Variants in ZFAND4 observed in about 807,000 individuals in gnomAD.
ZFAND4 encodes the protein zinc finger AN1-type containing 4.
Under a neutral mutation model 64.4 loss-of-function variants are expected in ZFAND4, and 43 were observed. That is an observed-to-expected ratio of 0.67 (90% CI 0.52 to 0.86). The LOEUF (loss-of-function observed/expected upper bound fraction) is 0.86, where lower values mean the gene tolerates loss of function less well. ZFAND4 is among the 40% of genes least tolerant of loss of function. ZFAND4 has a pLI of 0.00. For missense variants in ZFAND4, 929 were observed against 859.8 expected (o/e 1.08, Z -1.01); for synonymous variants, 296 against 305.7 (o/e 0.97, Z 0.33).
intron 1 of ZFAND4, among the ~76,000 whole-genome samples, chr10:45,669,264 T>C (rs566408860): frequency 3.0e-4 from 45 of 152,218 alleles, no homozygotes; most frequent in Middle Eastern, 3.4e-3. Context: ...TCTACACAAA[T>C]AAACTGGAAA....
Position 45,658,526 on chromosome 10 carries a change from A to G in ZFAND4, c.184+5016T>C, listed in dbSNP as rs142979314. On this transcript the variant is annotated intron_variant, in intron 2 of 9. Coordinates refer to ENST00000344646, the MANE Select transcript of ZFAND4 (RefSeq NM_174890.4). ...GTGAATTGTATGATATGTAAATTAT[A>G]TCTTCCTAAAAAATAGTTTGTTAGA... 4.2e-3 allele frequency among the ~76,000 whole-genome samples: 637 copies of G among 152,338 alleles called. 4 individuals carry two copies. Among genetic ancestry groups the G allele is most frequent in the African/African-American group, 0.015 (603 of 41,580 alleles).
chr10:45,663,553 C>T lies in ZFAND4; in HGVS notation c.173G>A (p.Arg58Gln), dbSNP rs1346322819. 12 of 1,589,862 alleles carry T rather than the reference C, an allele frequency of 7.5e-6. No homozygotes were observed. The highest frequency in any genetic ancestry group is 2.3e-5 in the East Asian group (1 of 44,384). The change falls in exon 2 of 10, where the codon CGA (arginine) becomes CAA (glutamine). Residue 58 changes from arginine to glutamine, a missense_variant. Physicochemically the swap from Arg to Gln is conservative, Grantham distance 43. Coordinates refer to ENST00000344646, the MANE Select transcript of ZFAND4 (RefSeq NM_174890.4). ...ETVISVKAKI[R>Q]RLEGIPICRQ... ...AGAAAGATGAGTACCTTCCAATCTT[C>T]GAATTTTTGCTTTCACAGAAATAAC...
Position 45,653,009 on chromosome 10 carries a change from T to G in ZFAND4, c.235A>C (p.Asn79His). 6.2e-7 allele frequency: 1 copy of G among 1,612,458 alleles called. No individual in the cohort carries two copies. Among genetic ancestry groups the G allele is most frequent in the Non-Finnish European group, 8.5e-7 (1 of 1,179,130 alleles). The change falls in exon 3 of 10, where the codon AAT becomes CAT. Residue 79 changes from asparagine to histidine, a missense_variant. Physicochemically the swap from Asn to His is moderately conservative, Grantham distance 68. Coordinates refer to ENST00000344646, the MANE Select transcript of ZFAND4 (RefSeq NM_174890.4). ...HLIWNNMELE[N>H]DYCLNDYNIS... is the part of the protein sequence containing the mutation. The stretch of plus-strand genomic sequence containing the variant: ...TTGTAATCATTCAAGCAATAATCAT[T>G]TTCAAGTTCCATGTTATTCCAAATT...
chr10:45,663,593 A>G lies in ZFAND4; in HGVS notation c.133T>C (p.Ser45Pro). The G allele has an allele frequency of 6.2e-7, 1 of 1,608,472 alleles. No individual in the cohort carries two copies. The highest frequency in any genetic ancestry group is 8.5e-7 in the Non-Finnish European group (1 of 1,178,588). ...LTGTCFELRV[S>P]PFETVISVKA... ...ACAGAAATAACAGTTTCAAAAGGTGAAACTCTCAGCTCAAAACATGTTCCA... is the reference window on the plus strand; with the variant it reads ...ACAGAAATAACAGTTTCAAAAGGTGGAACTCTCAGCTCAAAACATGTTCCA... The change falls in exon 2 of 10, where the codon TCA (serine) becomes CCA (proline). Residue 45 changes from serine to proline, a missense_variant. Transcript: ENST00000344646.
At chr10:45,655,895 C>A (rs779427329) in intron 2 of ZFAND4, among the ~76,000 whole-genome samples, 15 of 152,074 alleles carry the variant, frequency 9.9e-5, no homozygotes, top group Non-Finnish European at 2.1e-4. Context: ...AAAAAAAGCC[C>A]AGGGCCAGAT....
intron 9 of ZFAND4, among the ~76,000 whole-genome samples, chr10:45,617,483 C>T (rs1383106524): frequency 6.7e-6 from 1 of 150,252 alleles, no homozygotes; most frequent in African/African-American, 2.5e-5. Context: ...AAAAAATTAA[C>T]CAGGCATGAT....
At chr10:45,634,862 C>A (rs920014771) in intron 6 of ZFAND4, among the ~76,000 whole-genome samples, 2 of 151,584 alleles carry the variant, frequency 1.3e-5, no homozygotes, top group East Asian at 1.9e-4. Context: ...TATATACCAA[C>A]AATAATCTAA....
chr10:45,671,620 G>A (rs146555200), intron 1 of ZFAND4, among the ~76,000 whole-genome samples: 74 of 152,214 alleles, frequency 4.9e-4, no homozygotes, highest in African/African-American at 1.7e-3. Flanking sequence ...CTCATAGATG[G>A]GAACTCAACA....
At chr10:45,655,240 G>T (rs569838356) in intron 2 of ZFAND4, among the ~76,000 whole-genome samples, 1 of 152,290 alleles carries the variant, frequency 6.6e-6, no homozygotes, top group Admixed American at 6.5e-5. Flanking sequence ...TAAACAATCT[G>T]CTCCTGAATG....
intron 8 of ZFAND4, among the ~76,000 whole-genome samples, chr10:45,621,110 T>C (rs867793799): frequency 7.4e-4 from 113 of 152,296 alleles, no homozygotes; most frequent in African/African-American, 2.5e-3. Flanking sequence ...AATAAATCAG[T>C]GTTCCAGACG....
At chr10:45,624,523 C>T (rs1185148136) in intron 8 of ZFAND4, 60 bp downstream of exon 8, 73 of 1,491,900 alleles carry the variant, frequency 4.9e-5, no homozygotes, top group East Asian at 1.4e-4. Context: ...AAAATTCAAC[C>T]GGATGCATAA....
intron 4 of ZFAND4, chr10:45,651,635 T>G (rs1234185915): frequency 2.1e-6 from 1 of 481,854 alleles, no homozygotes; most frequent in Non-Finnish European, 4.3e-6. Flanking sequence ...TCTGGTAGAT[T>G]TAAAAATAAA....
chr10:45,623,704 G>A (rs2045597640), intron 8 of ZFAND4, among the ~76,000 whole-genome samples: 1 of 152,164 alleles, frequency 6.6e-6, no homozygotes, highest in Admixed American at 6.5e-5. Context: ...GAAAGGTGGT[G>A]GTGATGGATC....
rs146476383 is a variant in ZFAND4, at chr10:45,616,154, G to A, written c.*282C>T. 1.7e-4 allele frequency: 56 copies of A among 323,860 alleles called. 1 individual carries two copies. The Middle Eastern group carries it at 2.7e-3, about 16-fold the overall frequency. 20.1% of individuals were successfully genotyped at this position (323,860 alleles called of 1,614,324 possible). ...AGTGCATCTTTTGAAGATTTGCCTA[G>A]TAAAACTGCAATATCATATACAAAA... On this transcript the variant is annotated 3_prime_UTR_variant, in exon 10 of 10. Transcript: ENST00000344646.
intron 5 of ZFAND4, chr10:45,640,311 A>G (rs2046896233): frequency 9.6e-6 from 12 of 1,249,510 alleles, no homozygotes; most frequent in Non-Finnish European, 1.2e-5. Flanking sequence ...GCCAAGGCTG[A>G]TAATTGTGCA....
rs758823456 is a variant in ZFAND4 at position 45,639,872 on chromosome 10, T to C, written c.661A>G (p.Met221Val). The C allele has an allele frequency of 3.1e-6, 5 of 1,613,458 alleles. No individual in the cohort carries two copies. Among genetic ancestry groups the C allele is most frequent in the East Asian group, 4.5e-5 (2 of 44,848 alleles). Residue 221 changes from methionine to valine, a missense_variant, in exon 6 of 10, where the codon ATG (methionine) becomes GTG (valine). Met to Val is a conservative substitution (Grantham distance 21). Coordinates refer to ENST00000344646, the MANE Select transcript of ZFAND4 (RefSeq NM_174890.4). ...GCCTTCAGCAGCTTCATCTTATTCA[T>C]AGTTATTGAATTTTCAATTATCTGT... Reference protein sequence around the residue: ...GQQIIENSITMNKMKLLKAKM... With the variant: ...GQQIIENSITVNKMKLLKAKM...
At chr10:45,637,278 T>C (rs1381183866) in intron 6 of ZFAND4, among the ~76,000 whole-genome samples, 2 of 149,140 alleles carry the variant, frequency 1.3e-5, no homozygotes, top group Admixed American at 1.3e-4. Context: ...GAGGTGGAGG[T>C]TGCAGTGGGC....
intron 9 of ZFAND4, chr10:45,617,877 C>T (rs2045117199): frequency 5.4e-6 from 1 of 183,854 alleles, no homozygotes; most frequent in South Asian, 1.7e-4. Flanking sequence ...GCAGGTTCAT[C>T]ATAAGACGAA....
At chr10:45,638,151 C>A (rs920966514) in intron 6 of ZFAND4, among the ~76,000 whole-genome samples, 1 of 152,034 alleles carries the variant, frequency 6.6e-6, no homozygotes, top group South Asian at 2.1e-4. Flanking sequence ...TAAACTAGAA[C>A]TCTCACGTTG....
Sources: gnomAD v4.1 joint callset for allele counts (sites outside exome capture counted in the v4.1 genomes callset) on GRCh38, gnomAD v4.1.1 for gene constraint, MANE v1.5 for transcripts, NCBI Gene and HGNC (gene_info 2026-07-23, HGNC 2026-07-21) for gene names.